Variants in RRP12 observed in about 807,000 individuals in gnomAD.
RRP12 encodes RRP12-like protein.
A neutral mutation model predicts 157.3 loss-of-function variants in RRP12; 78 were observed. The observed-to-expected ratio is 0.50, with a 90% CI of 0.41 to 0.60. The LOEUF is 0.60. Among genes scored for constraint, RRP12 ranks in the 20% least tolerant of loss-of-function variants. RRP12 has a pLI of 0.00. For missense variants in RRP12, 1,521 were observed against 1,679.9 expected (o/e 0.91, Z 1.65); for synonymous variants, 726 against 670.9 (o/e 1.08, Z -1.27).
intron 4 of RRP12, 93 bp from the exon 5 acceptor site, chr10:97,390,937 C>T (rs957268807): frequency 3.8e-5 from 31 of 815,138 alleles, no homozygotes; most frequent in Admixed American, 2.0e-4. Context: ...GGGCAAGGGG[C>T]GCTGGTGGCA....
At chr10:97,375,388 G>A (rs1268010873) in intron 15 of RRP12, among the ~76,000 whole-genome samples, 2 of 152,104 alleles carry the variant, frequency 1.3e-5, no homozygotes, top group African/African-American at 4.8e-5. Context: ...ACAGGCGTAA[G>A]CTGCTGCATC....
intron 4 of RRP12, among the ~76,000 whole-genome samples, chr10:97,391,901 C>CA (rs1290517779): frequency 6.6e-6 from 1 of 151,714 alleles, no homozygotes. Flanking sequence ...GCCTGGGCAA[C>CA]AGAGCGAGAC....
intron 6 of RRP12, among the ~76,000 whole-genome samples, chr10:97,389,626 T>A (rs911163304): frequency 1.8e-4 from 28 of 152,118 alleles, no homozygotes; most frequent in Non-Finnish European, 2.5e-4. Flanking sequence ...ACCAAGCACC[T>A]GCCGTGAGCC....
Position 97,373,735 on chromosome 10 carries a change from C to T in RRP12, c.1866G>A (p.Met622Ile), listed in dbSNP as rs1844226244. 3.7e-6 allele frequency: 6 copies of T among 1,612,328 alleles called. No homozygotes were observed. The highest frequency in any genetic ancestry group is 1.3e-5 in the African/African-American group (1 of 74,908). The change falls in exon 17 of 34, where the codon ATG (methionine) becomes ATA (isoleucine). Residue 622 changes from methionine to isoleucine, a missense_variant and splice_region_variant. Met to Ile is a conservative substitution (Grantham distance 10, BLOSUM62 1). Transcript: ENST00000370992. ...TGCAGAACCCAGGCAGGAGTGTCCA[C>T]ATCTGGAGAAGGAGGGGACAATAAA... ...SKIYDTLQWQ[M>I]WTLLPGFCTR... is the part of the protein sequence containing the mutation.
rs919732363 is a variant in RRP12 at position 97,382,539 on chromosome 10, T to C, written c.1209-713A>G. ...ACAACTAATGAGATAAATCCTATTA[T>C]TTTTCCATTTTATAGATGAGGAAAG... is the stretch of plus-strand genomic sequence containing the variant. On this transcript the variant is annotated intron_variant, in intron 10 of 33. Coordinates refer to ENST00000370992, the MANE Select transcript of RRP12 (RefSeq NM_015179.4). 6.6e-5 allele frequency among the ~76,000 whole-genome samples: 10 copies of C among 152,142 alleles called. 1 individual carries two copies. The highest frequency in any genetic ancestry group is 6.5e-4 in the Admixed American group (10 of 15,278).
intron 25 of RRP12, chr10:97,367,348 C>A (rs1397623787): frequency 3.4e-6 from 2 of 591,212 alleles, no homozygotes; most frequent in African/African-American, 3.7e-5. Context: ...CAGGCCTGAG[C>A]ACCCTCGCAG....
intron 15 of RRP12, among the ~76,000 whole-genome samples, chr10:97,374,107 C>A (rs1169649385): frequency 1.3e-5 from 2 of 152,212 alleles, no homozygotes; most frequent in African/African-American, 4.8e-5. Context: ...CTTACTCCCC[C>A]AGAGATAGCC....
chr10:97,358,791 A>G, intron 32 of RRP12, 152 bp downstream of exon 32: 2 of 789,224 alleles, frequency 2.5e-6, no homozygotes, highest in Non-Finnish European at 4.3e-6. Flanking sequence ...AGATGCCACA[A>G]GGTCTTAGCA....
intron 2 of RRP12, among the ~76,000 whole-genome samples, chr10:97,399,378 A>G (rs1429215496): frequency 1.3e-5 from 2 of 152,196 alleles, no homozygotes; most frequent in Non-Finnish European, 2.9e-5. Context: ...TTAGATTACT[A>G]TTGGACAGAG....
rs1013049863 is a variant in RRP12 at position 97,388,349 on chromosome 10, A to G, written c.920T>C (p.Met307Thr). The change falls in exon 8 of 34, where the codon ATG (methionine) becomes ACG (threonine). Residue 307 changes from methionine (M) to threonine (T), a missense_variant. Met to Thr is a moderately conservative substitution (Grantham distance 81). Coordinates refer to ENST00000370992, the MANE Select transcript of RRP12 (RefSeq NM_015179.4). ...CAGCAGGTCCTTCAGCAGCGTCAGC[A>G]TGTGCAGCGTGGTGGTGGCCTCCTT... ...GSKEATTTLHMLTLLKDLLPC... is the reference protein window; with the variant it reads ...GSKEATTTLHTLTLLKDLLPC... The G allele has an allele frequency of 6.2e-7, 1 of 1,613,840 alleles. No homozygotes were observed. The highest frequency in any genetic ancestry group is 8.5e-7 in the Non-Finnish European group (1 of 1,180,024).
intron 23 of RRP12, 59 bp from the exon 24 acceptor site, chr10:97,370,333 G>A: frequency 1.4e-6 from 2 of 1,413,578 alleles, no homozygotes; most frequent in East Asian, 2.4e-5. Flanking sequence ...GGGGGGCTGA[G>A]GGCCAGAGAG....
intron 24 of RRP12, 126 bp from the exon 25 acceptor site, chr10:97,369,708 G>T: frequency 2.0e-6 from 2 of 1,025,336 alleles, no homozygotes; most frequent in Non-Finnish European, 1.4e-6. Flanking sequence ...CCGTATGCCC[G>T]GGATGGTTCC....
At position 97,358,568 on chromosome 10, in the gene RRP12, T is replaced by C; in HGVS notation, c.3760A>G (p.Ile1254Val). The C allele has an allele frequency of 2.5e-6, 4 of 1,614,036 alleles. No individual in the cohort carries two copies. The highest frequency in any genetic ancestry group is 3.4e-6 in the Non-Finnish European group (4 of 1,179,988). ...TTGAGCTTGCTTCTGTTGAGGGGGATGTAGGCATAGGGATCCGGCCGGCCT... is the reference window on the plus strand; with the variant it reads ...TTGAGCTTGCTTCTGTTGAGGGGGACGTAGGCATAGGGATCCGGCCGGCCT... ...KKGRPDPYAY[I>V]PLNRSKLNRR... The change falls in exon 33 of 34, where the codon ATC becomes GTC. Residue 1254 changes from isoleucine to valine, a missense_variant. Coordinates refer to ENST00000370992, the MANE Select transcript of RRP12 (RefSeq NM_015179.4).
At chr10:97,363,585 G>T (rs926180360) in intron 30 of RRP12, among the ~76,000 whole-genome samples, 2 of 152,182 alleles carry the variant, frequency 1.3e-5, no homozygotes, top group African/African-American at 4.8e-5. Flanking sequence ...GAGCACACAG[G>T]GAAGCTGCTG....
downstream of RRP12, chr10:97,356,441 G>A (rs1261784578): frequency 6.6e-6 from 1 of 152,260 alleles, no homozygotes; most frequent in African/African-American, 2.4e-5. Flanking sequence ...GGAGAGACTT[G>A]TGCCCAGGAC....
intron 29 of RRP12, among the ~76,000 whole-genome samples, chr10:97,364,201 A>C (rs1180296676): frequency 2.0e-5 from 3 of 151,918 alleles, no homozygotes; most frequent in Admixed American, 6.6e-5. Context: ...CCCACCCTTC[A>C]TCTGTTTGAG....
chr10:97,399,561 T>C (rs1293543340), intron 2 of RRP12, among the ~76,000 whole-genome samples: 1 of 151,434 alleles, frequency 6.6e-6, no homozygotes, highest in Non-Finnish European at 1.5e-5. Flanking sequence ...ATAGATAAAA[T>C]AATAAAAGTA....
chr10:97,366,718 C>T, intron 27 of RRP12, 24 bp downstream of exon 27: 1 of 1,606,706 alleles, frequency 6.2e-7, no homozygotes, highest in Non-Finnish European at 8.5e-7. Context: ...GACACCGGGT[C>T]CCATGGCCCT....
At position 97,366,571 on chromosome 10, in the gene RRP12, T is replaced by A. The variant is rs1843987488; in HGVS notation, c.3266A>T (p.Glu1089Val). Reference sequence around the variant, plus strand: ...CTGCTCCTTGCCTCGGCTTCTTTCCTCCTCCTCATTGTCCTCCTCGTCCTC... The same window carrying A: ...CTGCTCCTTGCCTCGGCTTCTTTCCACCTCCTCATTGTCCTCCTCGTCCTC... ...DSEDEEDNEE[E>V]ERSRGKEQRK... Residue 1089 changes from glutamate (E) to valine (V), a missense_variant, in exon 28 of 34, where the codon GAG becomes GTG. Glu to Val is a moderately radical substitution (Grantham distance 121, BLOSUM62 -2). Transcript: ENST00000370992. 2 of 1,614,100 alleles carry A rather than the reference T, an allele frequency of 1.2e-6. No homozygotes were observed. The highest frequency in any genetic ancestry group is 1.7e-6 in the Non-Finnish European group (2 of 1,180,030).
Sources: gnomAD v4.1 joint callset for allele counts (sites outside exome capture counted in the v4.1 genomes callset) on GRCh38, gnomAD v4.1.1 for gene constraint, MANE v1.5 for transcripts, NCBI Gene and HGNC (gene_info 2026-07-23, HGNC 2026-07-21) for gene names.